Variants in PDCD6IP observed in about 807,000 individuals in gnomAD.
PDCD6IP encodes programmed cell death 6 interacting protein, also known as programmed cell death 6-interacting protein.
PDCD6IP carries 43 observed loss-of-function variants against 103.7 expected under a neutral mutation model. The ratio of observed to expected loss-of-function variants is 0.41; its 90% CI spans 0.32 to 0.53. The LOEUF (loss-of-function observed/expected upper bound fraction) is 0.53. Ranked by LOEUF, PDCD6IP falls within the 20% of genes least tolerant of loss-of-function variation. The probability of loss-of-function intolerance (pLI) is 0.16; values close to 1 mark genes in which losing one functional copy is unlikely to be tolerated. For synonymous variants in PDCD6IP, 354 were observed against 378.7 expected (o/e 0.93, Z 0.76); for missense variants, 871 against 1,036.7 (o/e 0.84, Z 2.20).
chr3:33,814,362 C>T (rs916126558), intron 3 of PDCD6IP, among the ~76,000 whole-genome samples: 24 of 151,580 alleles, frequency 1.6e-4, no homozygotes, highest in Non-Finnish European at 1.0e-4. Flanking sequence ...CTCAAACTCC[C>T]GACCTCAGGT....
At chr3:33,806,023 GC>G (rs1225152976) in intron 1 of PDCD6IP, among the ~76,000 whole-genome samples, 4 of 152,182 alleles carry the variant, frequency 2.6e-5, no homozygotes, top group Non-Finnish European at 5.9e-5. Context: ...GGGATTACAG[GC>G]GTGTGCCACC....
chr3:33,832,408 A>G (rs527579075), intron 7 of PDCD6IP, among the ~76,000 whole-genome samples: 125 of 152,344 alleles, frequency 8.2e-4, no homozygotes, highest in African/African-American at 2.7e-3. Flanking sequence ...AGTCCCGTAC[A>G]TAGCAGCAGG....
At chr3:33,814,352 C>G (rs1386300028) in intron 3 of PDCD6IP, among the ~76,000 whole-genome samples, 1 of 151,844 alleles carries the variant, frequency 6.6e-6, no homozygotes, top group African/African-American at 2.4e-5. Context: ...CCAGGCTGGT[C>G]TCAAACTCCC....
chr3:33,812,165 GCA>G (rs1559773545), intron 2 of PDCD6IP, 39 bp downstream of exon 2: 2 of 1,575,884 alleles, frequency 1.3e-6, no homozygotes, highest in African/African-American at 2.7e-5. Context: ...TATGGTAATA[GCA>G]CCCATTTCCT....
chr3:33,826,719 T>C, intron 6 of PDCD6IP, 139 bp downstream of exon 6: 11 of 303,968 alleles, frequency 3.6e-5, no homozygotes, highest in Non-Finnish European at 5.5e-5. Context: ...GTAGAAATAG[T>C]TTTTTTTTTT....
chr3:33,861,147 A>G (rs551520768), intron 15 of PDCD6IP, among the ~76,000 whole-genome samples: 1 of 145,888 alleles, frequency 6.9e-6, no homozygotes, highest in South Asian at 2.2e-4. Context: ...TCTAATCTGT[A>G]TTTTTTTTTT....
Position 33,866,520 on chromosome 3 carries a change from C to T in PDCD6IP, c.2602C>T (p.Gln868Ter), listed in dbSNP as rs1159859393. The T allele has an allele frequency of 6.3e-7, 1 of 1,598,922 alleles. No individual in the cohort carries two copies. Among genetic ancestry groups the T allele is most frequent in the Non-Finnish European group, 8.5e-7 (1 of 1,175,148 alleles). The stretch of plus-strand genomic sequence containing the variant: ...CCCACAGCAGTCTTACTATCCACAG[C>T]AGTAATATGTCTGCTCAGCAGCTCA... Reference protein sequence around the residue: ...QPPQQSYYPQQ With the variant: ...QPPQQSYYPQ Residue 868 changes from glutamine (Q) to a stop codon, truncating the protein, a stop_gained, in exon 18 of 18, where the codon CAG (glutamine) becomes TAG (stop). Transcript: ENST00000307296. LOFTEE classifies it high-confidence loss of function.
At chr3:33,806,320 C>G (rs762446188) in intron 1 of PDCD6IP, among the ~76,000 whole-genome samples, 31 of 152,004 alleles carry the variant, frequency 2.0e-4, no homozygotes, top group South Asian at 6.2e-4. Context: ...CCATTTATTC[C>G]TCACGCTTAA....
intron 13 of PDCD6IP, among the ~76,000 whole-genome samples, chr3:33,853,372 T>C (rs752018083): frequency 2.0e-5 from 3 of 152,236 alleles, no homozygotes; most frequent in Non-Finnish European, 2.9e-5. Context: ...TACTGATACC[T>C]TTAATTGTAT....
At chr3:33,857,905 T>C (rs1697864170) in intron 15 of PDCD6IP, among the ~76,000 whole-genome samples, 1 of 152,140 alleles carries the variant, frequency 6.6e-6, no homozygotes. Context: ...AATGTCACTG[T>C]CAGCACTATT....
intron 1 of PDCD6IP, among the ~76,000 whole-genome samples, chr3:33,809,533 G>A (rs1252898461): frequency 6.6e-6 from 1 of 152,158 alleles, no homozygotes. Flanking sequence ...CCACCAAAGG[G>A]TTTCAGTACT....
chr3:33,852,557 A>G lies in PDCD6IP; in HGVS notation c.1711A>G (p.Asn571Asp). ...EVKKEREGLE[N>D]DLKSVNFDMT... Reference sequence around the variant, plus strand: ...AAAGAAGGAAAGAGAGGGTCTGGAGAATGACTTGAAATCTGTGAATTTTGA... The same window carrying G: ...AAAGAAGGAAAGAGAGGGTCTGGAGGATGACTTGAAATCTGTGAATTTTGA... Residue 571 changes from asparagine (N) to aspartate (D), a missense_variant, in exon 13 of 18, where the codon AAT becomes GAT. Physicochemically the swap from Asn to Asp is conservative, Grantham distance 23 (BLOSUM62 1). Coordinates refer to ENST00000307296, the MANE Select transcript of PDCD6IP (RefSeq NM_013374.6). The G allele has an allele frequency of 6.3e-7, 1 of 1,577,244 alleles. No homozygotes were observed.
intron 15 of PDCD6IP, among the ~76,000 whole-genome samples, chr3:33,861,956 G>A (rs755431555): frequency 6.6e-5 from 10 of 152,086 alleles, no homozygotes; most frequent in Admixed American, 1.3e-4. Flanking sequence ...CATAGTACTA[G>A]TGGCATTTTA....
At chr3:33,802,529 A>T (rs6801159) in intron 1 of PDCD6IP, among the ~76,000 whole-genome samples, 16 of 138,362 alleles carry the variant, frequency 1.2e-4, no homozygotes, top group Admixed American at 1.2e-3. Context: ...TGCTCTTGTT[A>T]CCCAGGCTGG....
At chr3:33,806,600 T>C (rs1290119267) in intron 1 of PDCD6IP, among the ~76,000 whole-genome samples, 3 of 152,350 alleles carry the variant, frequency 2.0e-5, no homozygotes, top group African/African-American at 7.2e-5. Flanking sequence ...ATACTGGCTT[T>C]CCCTGTGCCT....
At chr3:33,825,438 T>C in intron 5 of PDCD6IP, 98 bp downstream of exon 5, 1 of 1,056,436 alleles carries the variant, frequency 9.5e-7, no homozygotes, top group Non-Finnish European at 1.3e-6. Context: ...TGTCGAGCTG[T>C]CCTTCTTGAA....
At chr3:33,805,552 C>T (rs1696575742) in intron 1 of PDCD6IP, among the ~76,000 whole-genome samples, 1 of 151,554 alleles carries the variant, frequency 6.6e-6, no homozygotes. Context: ...CTACTTCAAC[C>T]TCCCAAGTGG....
intron 1 of PDCD6IP, among the ~76,000 whole-genome samples, chr3:33,810,172 AG>A (rs1254268822): frequency 2.0e-5 from 3 of 152,226 alleles, no homozygotes; most frequent in Non-Finnish European, 2.9e-5. Context: ...ATACTCTGAA[AG>A]GTACCAAATG....
rs535673884 is a variant in PDCD6IP, at chr3:33,852,165, G to T, written c.1642-323G>T. 2.7e-3 allele frequency among the ~76,000 whole-genome samples: 409 copies of T among 152,246 alleles called. 2 individuals carry two copies. The highest frequency in any genetic ancestry group is 5.1e-3 in the Non-Finnish European group (344 of 68,034). On this transcript the variant is annotated intron_variant, in intron 12 of 17. Coordinates refer to ENST00000307296, the MANE Select transcript of PDCD6IP (RefSeq NM_013374.6). ...CGTTATCCCTATCTTTGGAATAGAG[G>T]TCATAAATATATATACCCCATGGGG...
Sources: gnomAD v4.1 joint callset for allele counts (sites outside exome capture counted in the v4.1 genomes callset) on GRCh38, gnomAD v4.1.1 for gene constraint, MANE v1.5 for transcripts, NCBI Gene and HGNC (gene_info 2026-07-23, HGNC 2026-07-21) for gene names.